SORCS3: variants seen among roughly 807,000 people sequenced by gnomAD.
The protein encoded by SORCS3 is VPS10 domain-containing receptor SorCS3.
Under a neutral mutation model 146.3 loss-of-function variants are expected in SORCS3, and 57 were observed. The observed-to-expected ratio is 0.39, with a 90% CI of 0.31 to 0.49. SORCS3 has a LOEUF of 0.49. Ranked by LOEUF, SORCS3 falls within the 20% of genes least tolerant of loss-of-function variation. SORCS3 has a pLI of 0.92. For synonymous variants in SORCS3, 653 were observed against 618.5 expected (o/e 1.06, Z -0.83); for missense variants, 1,341 against 1,575.5 (o/e 0.85, Z 2.52).
intron 1 of SORCS3, among the ~76,000 whole-genome samples, chr10:104,838,744 G>A (rs1044499282): frequency 6.6e-6 from 1 of 152,146 alleles, no homozygotes; most frequent in African/African-American, 2.4e-5. Flanking sequence ...GCATAGAGGT[G>A]GGAAAGGAAC....
chr10:105,095,020 T>G (rs976967491), intron 6 of SORCS3, among the ~76,000 whole-genome samples: 1 of 152,180 alleles, frequency 6.6e-6, no homozygotes, highest in Non-Finnish European at 1.5e-5. Context: ...TAAAGCTTCA[T>G]GAAGCAATTA....
At chr10:104,713,755 T>C (rs985515928) in intron 1 of SORCS3, among the ~76,000 whole-genome samples, 2 of 152,240 alleles carry the variant, frequency 1.3e-5, no homozygotes, top group Non-Finnish European at 2.9e-5. Context: ...GTAGTTTTCC[T>C]GTCTTACAAT....
intron 20 of SORCS3, among the ~76,000 whole-genome samples, chr10:105,240,509 A>G (rs1361460284): frequency 6.6e-6 from 1 of 152,160 alleles, no homozygotes; most frequent in East Asian, 1.9e-4. Context: ...GTTCTATCAC[A>G]TGTCTATCTG....
intron 20 of SORCS3, among the ~76,000 whole-genome samples, chr10:105,231,375 C>A (rs2056764493): frequency 6.6e-6 from 1 of 152,146 alleles, no homozygotes; most frequent in Admixed American, 6.5e-5. Context: ...TATCCTGTAA[C>A]CTTGCTATAA....
chr10:105,242,223 T>C (rs914462405), intron 20 of SORCS3, among the ~76,000 whole-genome samples: 1 of 145,434 alleles, frequency 6.9e-6, no homozygotes, highest in African/African-American at 2.5e-5. Context: ...TCTTCAATAT[T>C]ACTTGTTATC....
intron 3 of SORCS3, among the ~76,000 whole-genome samples, chr10:104,927,894 A>G (rs1471062638): frequency 6.6e-6 from 1 of 151,874 alleles, no homozygotes; most frequent in East Asian, 1.9e-4. Flanking sequence ...AAAAAAGAAG[A>G]CAGTGTGTAT....
chr10:104,986,210 C>T (rs2054961693), intron 4 of SORCS3, among the ~76,000 whole-genome samples: 1 of 152,248 alleles, frequency 6.6e-6, no homozygotes, highest in African/African-American at 2.4e-5. Flanking sequence ...GCACTTGCTG[C>T]TTTACCTTTC....
chr10:104,713,654 C>T (rs2016444682), intron 1 of SORCS3, among the ~76,000 whole-genome samples: 1 of 152,128 alleles, frequency 6.6e-6, no homozygotes, highest in African/African-American at 2.4e-5. Context: ...CATTTGGTTG[C>T]ATTATATAAT....
intron 20 of SORCS3, among the ~76,000 whole-genome samples, chr10:105,225,607 G>T (rs1056675391): frequency 6.6e-6 from 1 of 151,900 alleles, no homozygotes; most frequent in Non-Finnish European, 1.5e-5. Context: ...CTTTATCAAT[G>T]TCTACAAACT....
chr10:104,789,384 T>C (rs1703564973), intron 1 of SORCS3, among the ~76,000 whole-genome samples: 1 of 152,182 alleles, frequency 6.6e-6, no homozygotes, highest in African/African-American at 2.4e-5. Context: ...CTCAGCTATT[T>C]GCGTCTGAGT....
chr10:104,705,691 T>G (rs1419418862), intron 1 of SORCS3, among the ~76,000 whole-genome samples: 1 of 152,206 alleles, frequency 6.6e-6, no homozygotes, highest in South Asian at 2.1e-4. Context: ...GTGACCCGAC[T>G]GGTAGGAGTA....
At chr10:104,938,784 G>A (rs1350235464) in intron 3 of SORCS3, among the ~76,000 whole-genome samples, 1 of 152,180 alleles carries the variant, frequency 6.6e-6, no homozygotes, top group South Asian at 2.1e-4. Context: ...CTGGCATAAT[G>A]TCTTGCAGGC....
intron 5 of SORCS3, among the ~76,000 whole-genome samples, chr10:105,071,644 G>A (rs568586330): frequency 6.2e-4 from 94 of 152,148 alleles, no homozygotes; most frequent in Non-Finnish European, 1.0e-3. Context: ...TATCGATCCC[G>A]TCAAGCATTT....
At chr10:104,993,704 A>T (rs191430857) in intron 4 of SORCS3, among the ~76,000 whole-genome samples, 1 of 152,298 alleles carries the variant, frequency 6.6e-6, no homozygotes, top group Non-Finnish European at 1.5e-5. Context: ...AGATTTCATT[A>T]GTAGATCATT....
intron 3 of SORCS3, among the ~76,000 whole-genome samples, chr10:104,935,479 G>A (rs1454776953): frequency 6.6e-6 from 1 of 152,166 alleles, no homozygotes; most frequent in African/African-American, 2.4e-5. Context: ...TAAAGCTTTT[G>A]AGGTAATTCT....
intron 17 of SORCS3, among the ~76,000 whole-genome samples, chr10:105,213,131 A>T (rs1372730963): frequency 6.6e-6 from 1 of 152,198 alleles, no homozygotes; most frequent in Non-Finnish European, 1.5e-5. Flanking sequence ...TGTTAACCAG[A>T]ATAACTTTAG....
At chr10:104,712,106 CAACA>C (rs1184760975) in intron 1 of SORCS3, among the ~76,000 whole-genome samples, 1 of 152,120 alleles carries the variant, frequency 6.6e-6, no homozygotes, top group Non-Finnish European at 1.5e-5. Flanking sequence ...TCAAAAGTAG[CAACA>C]AATAATTTGG....
intron 1 of SORCS3, among the ~76,000 whole-genome samples, chr10:104,652,228 T>G (rs1049638731): frequency 3.3e-5 from 5 of 152,236 alleles, no homozygotes; most frequent in African/African-American, 1.2e-4. Flanking sequence ...TTTCGCTCAT[T>G]CATTCAATAA....
At chr10:104,662,935 A>C (rs2015721070) in intron 1 of SORCS3, among the ~76,000 whole-genome samples, 1 of 152,198 alleles carries the variant, frequency 6.6e-6, no homozygotes, top group African/African-American at 2.4e-5. Flanking sequence ...TCAAAACACC[A>C]CAAAATCCAT....
Sources: allele counts gnomAD v4.1 joint callset (sites outside exome capture counted in the v4.1 genomes callset), GRCh38; gene constraint gnomAD v4.1.1; transcripts MANE v1.5; gene names NCBI Gene and HGNC (gene_info 2026-07-23, HGNC 2026-07-21).